Variants in GRID2 observed in about 807,000 individuals in gnomAD.
GRID2 encodes glutamate ionotropic receptor delta type subunit 2.
Under a neutral mutation model 114.8 loss-of-function variants are expected in GRID2, and 33 were observed. The observed-to-expected ratio is 0.29, with a 90% confidence interval of 0.22 to 0.38. GRID2 has a LOEUF of 0.38. Among genes scored for constraint, GRID2 ranks in the 10% least tolerant of loss-of-function variants. GRID2 has a pLI of 1.00. For synonymous variants in GRID2, 505 were observed against 449.9 expected (o/e 1.12, Z -1.55); for missense variants, 1,184 against 1,257.7 (o/e 0.94, Z 0.89).
At chr4:93,370,515 A>T (rs894416141) in intron 8 of GRID2, among the ~76,000 whole-genome samples, 3 of 151,734 alleles carry the variant, frequency 2.0e-5, no homozygotes, top group Admixed American at 6.6e-5. Context: ...ACGCACACAC[A>T]GTTCCTTGAT....
At chr4:92,542,960 T>C (rs777862549) in intron 1 of GRID2, among the ~76,000 whole-genome samples, 8 of 150,794 alleles carry the variant, frequency 5.3e-5, no homozygotes, top group Non-Finnish European at 8.8e-5. Context: ...TTCAGCATTA[T>C]AGTTATATGT....
chr4:92,427,257 A>T (rs1322384149), intron 1 of GRID2, among the ~76,000 whole-genome samples: 1 of 152,128 alleles, frequency 6.6e-6, no homozygotes, highest in Admixed American at 6.6e-5. Context: ...ATGGGACCTT[A>T]TCAGTATTTA....
At chr4:93,750,997 G>A (rs1732276573) in intron 14 of GRID2, among the ~76,000 whole-genome samples, 1 of 152,148 alleles carries the variant, frequency 6.6e-6, no homozygotes, top group Non-Finnish European at 1.5e-5. Flanking sequence ...ATAACTAGAG[G>A]TGAATTAAAC....
intron 2 of GRID2, among the ~76,000 whole-genome samples, chr4:92,955,025 T>G (rs1308398209): frequency 9.0e-6 from 1 of 110,574 alleles, no homozygotes; most frequent in Non-Finnish European, 1.7e-5. Flanking sequence ...TTGTTGGACA[T>G]TTGGGTTGGT....
At chr4:93,703,933 G>C (rs1727756344) in intron 14 of GRID2, among the ~76,000 whole-genome samples, 1 of 151,932 alleles carries the variant, frequency 6.6e-6, no homozygotes, top group South Asian at 2.1e-4. Flanking sequence ...CTTTCCTATT[G>C]TGAATAGTGC....
chr4:93,387,829 CA>C lies in GRID2; in HGVS notation c.1246-7761del, dbSNP rs11453782. 7.8e-3 allele frequency among the ~76,000 whole-genome samples: 769 copies of C among 99,040 alleles called. 6 individuals carry two copies. Among genetic ancestry groups the C allele is most frequent in the African/African-American group, 0.018 (571 of 30,960 alleles). 65.0% of individuals were successfully genotyped at this position (99,040 alleles called of 152,430 possible). A position where few individuals can be genotyped will look rare whatever the true frequency, so the allele number is the denominator to read the frequency against. ...TGGGCAACAGAGCAAGACTCTGTCT[CA>C]AAAAAAAAAAAAAAAAGAAAGAAAT... On this transcript the variant is annotated intron_variant, in intron 8 of 15. Coordinates refer to ENST00000282020, the MANE Select transcript of GRID2 (RefSeq NM_001510.4).
intron 10 of GRID2, among the ~76,000 whole-genome samples, chr4:93,448,964 C>A (rs1026676346): frequency 7.2e-6 from 1 of 139,246 alleles, no homozygotes; most frequent in Non-Finnish European, 1.5e-5. Flanking sequence ...TTCTTTTCTT[C>A]TTTCCTTCCT....
chr4:93,353,068 C>T (rs932746927), intron 8 of GRID2, among the ~76,000 whole-genome samples: 6 of 151,954 alleles, frequency 3.9e-5, no homozygotes, highest in Non-Finnish European at 2.9e-5. Context: ...AAAACAGTTC[C>T]CCAATGGGAT....
chr4:93,322,048 C>CT (rs1435133111), intron 8 of GRID2, among the ~76,000 whole-genome samples: 3 of 146,608 alleles, frequency 2.0e-5, no homozygotes, highest in Non-Finnish European at 4.5e-5. Flanking sequence ...CTTTTTTTTT[C>CT]TTTTTTTTAT....
At chr4:92,870,036 A>C (rs544139935) in intron 2 of GRID2, among the ~76,000 whole-genome samples, 2 of 151,698 alleles carry the variant, frequency 1.3e-5, no homozygotes, top group South Asian at 2.1e-4. Context: ...CTCCACAAAA[A>C]AATTAAAAAA....
At chr4:93,233,402 G>A (rs532769146) in intron 7 of GRID2, among the ~76,000 whole-genome samples, 2 of 151,168 alleles carry the variant, frequency 1.3e-5, no homozygotes, top group South Asian at 2.1e-4. Context: ...GGGTACAGTG[G>A]TGTGATCTCA....
At chr4:93,388,326 C>T (rs993205376) in intron 8 of GRID2, among the ~76,000 whole-genome samples, 5 of 152,172 alleles carry the variant, frequency 3.3e-5, no homozygotes, top group African/African-American at 1.2e-4. Context: ...TTGGAATCAT[C>T]TTCATAACTT....
At chr4:92,520,775 G>T (rs371568173) in intron 1 of GRID2, among the ~76,000 whole-genome samples, 1 of 151,920 alleles carries the variant, frequency 6.6e-6, no homozygotes, top group African/African-American at 2.4e-5. Context: ...TGGCCAGGTG[G>T]CAGTCTTAAC....
chr4:92,728,830 T>C (rs1251154231), intron 2 of GRID2, among the ~76,000 whole-genome samples: 1 of 151,922 alleles, frequency 6.6e-6, no homozygotes, highest in Non-Finnish European at 1.5e-5. Flanking sequence ...GGTTATCATT[T>C]ATGCCACGTG....
intron 8 of GRID2, among the ~76,000 whole-genome samples, chr4:93,264,438 T>C (rs950659216): frequency 1.3e-5 from 2 of 151,952 alleles, no homozygotes; most frequent in Admixed American, 6.6e-5. Flanking sequence ...GGCAAAATAA[T>C]CTTAATTATT....
At chr4:92,739,743 G>T (rs1263239211) in intron 2 of GRID2, among the ~76,000 whole-genome samples, 1 of 152,096 alleles carries the variant, frequency 6.6e-6, no homozygotes, top group Non-Finnish European at 1.5e-5. Context: ...AAGGAGAAAA[G>T]AAGTTATAGG....
chr4:92,662,590 TA>T (rs533754139), intron 2 of GRID2, among the ~76,000 whole-genome samples: 38 of 144,616 alleles, frequency 2.6e-4, no homozygotes, highest in African/African-American at 3.0e-4. Context: ...GGATAAAGAA[TA>T]AAAAAAAAAG....
intron 2 of GRID2, among the ~76,000 whole-genome samples, chr4:92,906,535 C>G (rs1578434540): frequency 6.6e-6 from 1 of 150,818 alleles, no homozygotes; most frequent in African/African-American, 2.4e-5. Context: ...CTCTTGGCCT[C>G]TGTGCCCCTT....
Position 93,674,060 on chromosome 4 carries a change from C to T in GRID2, c.2360+47625C>T, listed in dbSNP as rs563681915. On this transcript the variant is annotated intron_variant, in intron 14 of 15. Coordinates refer to ENST00000282020, the MANE Select transcript of GRID2 (RefSeq NM_001510.4). ...CTCCTTTGACTCATGGCATATATGG[C>T]GTCTTCTGTTTTGAAGCTTTGGCTC... 6.6e-5 allele frequency among the ~76,000 whole-genome samples: 10 copies of T among 152,150 alleles called. 1 individual carries two copies. In the South Asian group the frequency reaches 2.1e-3, roughly 32 times the overall value.
Sources: gnomAD v4.1 joint callset for allele counts (sites outside exome capture counted in the v4.1 genomes callset) on GRCh38, gnomAD v4.1.1 for gene constraint, MANE v1.5 for transcripts, NCBI Gene and HGNC (gene_info 2026-07-23, HGNC 2026-07-21) for gene names.